TRAM2: variants seen among roughly 807,000 people sequenced by gnomAD.
TRAM2 encodes the protein translocating chain-associated membrane protein 2.
A neutral mutation model predicts 51.0 loss-of-function variants in TRAM2; 12 were observed. That is an observed-to-expected ratio of 0.24 (90% CI 0.15 to 0.38). The LOEUF (loss-of-function observed/expected upper bound fraction) is 0.38. Ranked by LOEUF, TRAM2 falls within the 10% of genes least tolerant of loss-of-function variation. TRAM2 has a pLI of 1.00. For synonymous variants in TRAM2, 175 were observed against 179.4 expected (o/e 0.98, Z 0.20); for missense variants, 361 against 462.0 (o/e 0.78, Z 2.00).
chr6:52,503,395 A>C, intron 10 of TRAM2, 125 bp from the exon 11 acceptor site: 3 of 826,314 alleles, frequency 3.6e-6, no homozygotes, highest in Non-Finnish European at 6.2e-6. Context: ...GATGCACCAA[A>C]GGGGCGCCAG....
intron 1 of TRAM2, among the ~76,000 whole-genome samples, chr6:52,539,775 G>A (rs760470826): frequency 1.3e-5 from 2 of 152,026 alleles, no homozygotes; most frequent in Non-Finnish European, 2.9e-5. Context: ...GGAGAGAGTC[G>A]GTGCTGTGCT....
At chr6:52,520,627 A>G (rs931500097) in intron 2 of TRAM2, among the ~76,000 whole-genome samples, 2 of 152,168 alleles carry the variant, frequency 1.3e-5, no homozygotes, top group African/African-American at 4.8e-5. Context: ...TAACTATCTC[A>G]TGAGATAAGC....
intron 1 of TRAM2, among the ~76,000 whole-genome samples, chr6:52,562,765 T>C (rs995883478): frequency 6.6e-6 from 1 of 152,208 alleles, no homozygotes; most frequent in Non-Finnish European, 1.5e-5. Context: ...TATGTCAACG[T>C]GTTCTCATTG....
intron 7 of TRAM2, 29 bp from the exon 8 acceptor site, chr6:52,506,165 T>A: frequency 6.3e-7 from 1 of 1,596,148 alleles, no homozygotes. Flanking sequence ...AGACTTACAT[T>A]CCCTCCAAGA....
At chr6:52,504,853 C>A in intron 9 of TRAM2, 99 bp from the exon 10 acceptor site, 1 of 1,136,776 alleles carries the variant, frequency 8.8e-7, no homozygotes, top group Non-Finnish European at 1.2e-6. Context: ...CCTGCAGTTC[C>A]CATGGCTTAT....
chr6:52,504,876 C>A, intron 9 of TRAM2, 122 bp from the exon 10 acceptor site: 1 of 807,974 alleles, frequency 1.2e-6, no homozygotes, highest in South Asian at 1.7e-5. Context: ...CGTCCGCCTT[C>A]ACCACTGGCC....
At position 52,503,060 on chromosome 6, in the gene TRAM2, C is replaced by T. The variant is rs1049724945; in HGVS notation, c.*137G>A. 1 of 733,734 alleles carries T rather than the reference C, an allele frequency of 1.4e-6. No homozygotes were observed. Among genetic ancestry groups the T allele is most frequent in the Non-Finnish European group, 2.4e-6 (1 of 418,136 alleles). The allele number at this position is 733,734 out of a possible 1,614,324, so 45.5% of individuals were successfully genotyped here. A position where few individuals can be genotyped will look rare whatever the true frequency, so the allele number is the denominator to read the frequency against. ...GAAGAAGGAAAGCGAAACGCCCCCT[C>T]CCCCCATTGCAAGACAGGTTTCGGC... On this transcript the variant is annotated 3_prime_UTR_variant, in exon 11 of 11. Transcript: ENST00000182527.
At chr6:52,540,254 G>A (rs902738814) in intron 1 of TRAM2, among the ~76,000 whole-genome samples, 1 of 151,650 alleles carries the variant, frequency 6.6e-6, no homozygotes, top group African/African-American at 2.4e-5. Context: ...CATTCAACTT[G>A]ATTTTTTAAA....
chr6:52,529,954 C>T (rs1178292361), intron 2 of TRAM2: 1 of 152,124 alleles, frequency 6.6e-6, no homozygotes, highest in East Asian at 1.9e-4. Context: ...AAAGAAGACT[C>T]AGAGTGTGTA....
At chr6:52,517,810 G>A (rs539579325) in intron 2 of TRAM2, among the ~76,000 whole-genome samples, 2 of 152,322 alleles carry the variant, frequency 1.3e-5, no homozygotes, top group Admixed American at 6.5e-5. Flanking sequence ...GGGTGGCCAG[G>A]GAACAAAGTC....
chr6:52,575,464 AGAC>A (rs1231685887), intron 1 of TRAM2, among the ~76,000 whole-genome samples: 3 of 152,186 alleles, frequency 2.0e-5, no homozygotes, highest in Non-Finnish European at 2.9e-5. Flanking sequence ...AGTGGAGTGG[AGAC>A]CCCAGTCCTA....
intron 1 of TRAM2, among the ~76,000 whole-genome samples, chr6:52,539,842 T>C (rs1394094285): frequency 6.6e-6 from 1 of 152,144 alleles, no homozygotes; most frequent in African/African-American, 2.4e-5. Flanking sequence ...CTGTATGTCT[T>C]CTCTCTCTCG....
chr6:52,516,428 ACTG>A, intron 3 of TRAM2, 197 bp downstream of exon 3: 1 of 604,952 alleles, frequency 1.7e-6, no homozygotes, highest in Admixed American at 2.9e-5. Flanking sequence ...TGTAATAAAT[ACTG>A]CTGTCCCATG....
intron 2 of TRAM2, among the ~76,000 whole-genome samples, chr6:52,519,217 C>T (rs78409952): frequency 2.6e-5 from 4 of 152,042 alleles, no homozygotes; most frequent in African/African-American, 4.8e-5. Context: ...TGGAGCTTAG[C>T]GGGTACACAC....
At chr6:52,539,045 C>T (rs1468146402) in intron 1 of TRAM2, among the ~76,000 whole-genome samples, 1 of 152,194 alleles carries the variant, frequency 6.6e-6, no homozygotes, top group African/African-American at 2.4e-5. Context: ...TCATGGCCAA[C>T]AGCGCCATAA....
chr6:52,507,649 A>T, intron 6 of TRAM2, 26 bp from the exon 7 acceptor site: 1 of 1,610,326 alleles, frequency 6.2e-7, no homozygotes, highest in East Asian at 2.2e-5. Context: ...GCAGATGGTA[A>T]ATTTGCTAAT....
At chr6:52,572,372 G>A (rs1314491255) in intron 1 of TRAM2, among the ~76,000 whole-genome samples, 3 of 152,258 alleles carry the variant, frequency 2.0e-5, no homozygotes, top group African/African-American at 7.2e-5. Flanking sequence ...GGGAGGCCAA[G>A]GTGGGCGGAT....
chr6:52,554,483 G>T (rs1386690908), intron 1 of TRAM2, among the ~76,000 whole-genome samples: 1 of 93,172 alleles, frequency 1.1e-5, no homozygotes, highest in Admixed American at 9.6e-5. Context: ...TCATGTCACT[G>T]CACTCCAGCC....
At chr6:52,554,254 G>C (rs1025118752) in intron 1 of TRAM2, among the ~76,000 whole-genome samples, 1 of 152,092 alleles carries the variant, frequency 6.6e-6, no homozygotes, top group African/African-American at 2.4e-5. Flanking sequence ...GCCAGGCGCG[G>C]TGACTCCCAC....
Sources: gnomAD v4.1 joint callset for allele counts (sites outside exome capture counted in the v4.1 genomes callset) on GRCh38, gnomAD v4.1.1 for gene constraint, MANE v1.5 for transcripts, NCBI Gene and HGNC (gene_info 2026-07-23, HGNC 2026-07-21) for gene names.